AADAC: variants seen among roughly 807,000 people sequenced by gnomAD.
AADAC encodes the protein arylacetamide deacetylase.
Under a neutral mutation model 22.7 loss-of-function variants are expected in AADAC, and 17 were observed. The ratio of observed to expected loss-of-function variants is 0.75; its 90% CI spans 0.51 to 1.12. AADAC has a LOEUF of 1.12. Among genes scored for constraint, AADAC ranks in the 50% most tolerant of loss-of-function variants. AADAC has a pLI of 0.00. For missense variants in AADAC, 465 were observed against 473.9 expected (o/e 0.98, Z 0.17); for synonymous variants, 167 against 176.3 (o/e 0.95, Z 0.42).
At chr3:151,826,781 T>C (rs1222096618) in intron 4 of AADAC, among the ~76,000 whole-genome samples, 1 of 151,986 alleles carries the variant, frequency 6.6e-6, no homozygotes, top group Admixed American at 6.6e-5. Context: ...ATGATGTTAA[T>C]AGACCATTTC....
chr3:151,814,916 ACTT>A (rs1715921146), intron 1 of AADAC, among the ~76,000 whole-genome samples: 2 of 151,986 alleles, frequency 1.3e-5, no homozygotes, highest in South Asian at 4.1e-4. Context: ...TTTTACTATT[ACTT>A]CTTTGGTTAT....
intron 1 of AADAC, among the ~76,000 whole-genome samples, chr3:151,815,982 T>TA (rs545069378): frequency 1.7e-3 from 257 of 152,202 alleles, no homozygotes; most frequent in African/African-American, 6.1e-3. Context: ...TATCATTTAC[T>TA]AGTTGTGTAG....
chr3:151,824,756 A>G lies in AADAC; in HGVS notation c.525A>G (p.Lys175=), dbSNP rs772162390. The change falls in exon 4 of 5, where the codon AAA becomes AAG. Residue 175 remains lysine, a synonymous_variant. Coordinates refer to ENST00000232892, the MANE Select transcript of AADAC (RefSeq NM_001086.3). ...RWFLRKKVLA[K]YGVNPERIGI... ...TCTTACGTAAAAAAGTTCTTGCAAA[A>G]TATGGTGTGAACCCTGAGAGAATCG... 6.2e-7 allele frequency: 1 copy of G among 1,608,900 alleles called. No individual in the cohort carries two copies. Among genetic ancestry groups the G allele is most frequent in the Non-Finnish European group, 8.5e-7 (1 of 1,177,388 alleles).
intron 4 of AADAC, among the ~76,000 whole-genome samples, chr3:151,825,070 A>C (rs1453635549): frequency 2.0e-5 from 3 of 151,802 alleles, no homozygotes; most frequent in African/African-American, 7.3e-5. Flanking sequence ...CTTTGGATAA[A>C]TCATTCATTT....
chr3:151,821,594 T>C (rs1199793409), intron 3 of AADAC, among the ~76,000 whole-genome samples: 1 of 152,044 alleles, frequency 6.6e-6, no homozygotes, highest in African/African-American at 2.4e-5. Context: ...ATATAGTGGC[T>C]AGAATAATAT....
intron 2 of AADAC, among the ~76,000 whole-genome samples, chr3:151,818,140 C>T (rs980018301): frequency 7.3e-5 from 11 of 151,138 alleles, no homozygotes; most frequent in African/African-American, 2.7e-4. Flanking sequence ...ACTCGGGGGG[C>T]TGAGGCAGGA....
chr3:151,825,283 C>T (rs1277780500), intron 4 of AADAC, among the ~76,000 whole-genome samples: 2 of 151,624 alleles, frequency 1.3e-5, no homozygotes, highest in South Asian at 2.1e-4. Flanking sequence ...ACCTAGGAGG[C>T]TGAGGAGGCT....
chr3:151,826,828 G>T lies in AADAC; in HGVS notation c.604-748G>T, dbSNP rs13067574. Reference sequence around the variant, plus strand: ...TTGCCCAAATCTCCTAAAGTAACATGTCGCTTTAGCATCAAAGCCATGTCA... The same window carrying T: ...TTGCCCAAATCTCCTAAAGTAACATTTCGCTTTAGCATCAAAGCCATGTCA... On this transcript the variant is annotated intron_variant, in intron 4 of 4. Coordinates refer to ENST00000232892, the MANE Select transcript of AADAC (RefSeq NM_001086.3). Among the ~76,000 whole-genome samples the T allele has an allele frequency of 5.6e-4, 85 of 152,002 alleles. 2 individuals carry two copies. The highest frequency in any genetic ancestry group is 2.9e-3 in the Admixed American group (44 of 15,258).
chr3:151,821,120 A>C (rs1716235801), intron 3 of AADAC, among the ~76,000 whole-genome samples: 1 of 151,990 alleles, frequency 6.6e-6, no homozygotes, highest in Non-Finnish European at 1.5e-5. Context: ...ATCATCTATA[A>C]AAGTGCATCA....
intron 3 of AADAC, among the ~76,000 whole-genome samples, chr3:151,823,249 G>A (rs1716326560): frequency 6.6e-6 from 1 of 151,190 alleles, no homozygotes; most frequent in African/African-American, 2.4e-5. Flanking sequence ...CTGGACTCCA[G>A]CCTGGGCAAC....
At chr3:151,824,634 A>G in intron 3 of AADAC, 29 bp from the exon 4 acceptor site, 1 of 1,440,640 alleles carries the variant, frequency 6.9e-7, no homozygotes, top group East Asian at 2.5e-5. Flanking sequence ...CAAACAAAAA[A>G]ATGTGTAAAC....
rs1366120906 is a variant in AADAC, at chr3:151,828,256, T to TG, written c.*86dup. On this transcript the variant is annotated 3_prime_UTR_variant, in exon 5 of 5. Transcript: ENST00000232892. ...CATTAGAAATTGGTCTTTCTTAGAA[T>TG]GGTCTAGTTAAGTTCCACATGTAGC... 7 of 854,216 alleles carry TG rather than the reference T, an allele frequency of 8.2e-6. No individual in the cohort carries two copies. The African/African-American group carries it at 1.0e-4, about 13-fold the overall frequency. 52.9% of individuals were successfully genotyped at this position (854,216 alleles called of 1,614,324 possible).
In AADAC at chr3:151,817,542, G is replaced by A. The variant is rs1190356817; in HGVS notation, c.315G>A (p.Arg105=). The change falls in exon 2 of 5, where the codon AGG becomes AGA. Residue 105 remains arginine (R), a synonymous_variant. Coordinates refer to ENST00000232892, the MANE Select transcript of AADAC (RefSeq NM_001086.3). ...VPKRKSEALR[R]GLFYIHGGGW... Reference sequence around the variant, plus strand: ...AGAGAAAGTCTGAAGCACTAAGAAGGGGGTTGTTTTACATCCATGGTGGAG... The same window carrying A: ...AGAGAAAGTCTGAAGCACTAAGAAGAGGGTTGTTTTACATCCATGGTGGAG... 1 of 1,613,770 alleles carries A rather than the reference G, an allele frequency of 6.2e-7. No homozygotes were observed. The highest frequency in any genetic ancestry group is 8.5e-7 in the Non-Finnish European group (1 of 1,179,752).
intron 1 of AADAC, among the ~76,000 whole-genome samples, chr3:151,816,043 A>T (rs893493326): frequency 2.6e-5 from 4 of 152,108 alleles, no homozygotes; most frequent in African/African-American, 7.2e-5. Context: ...CATATCTGAC[A>T]TGGATAAGAA....
rs1373790202 is a variant in AADAC, at chr3:151,824,666, C to T, written c.435C>T (p.Tyr145=). ...AAACTATGTTTTCTCTCTACAGCTA[C>T]AGATTAGCACCTAAGTATCATTTCC... ...RLDAVVVSTN[Y]RLAPKYHFPI... The change falls in exon 4 of 5, where the codon TAC becomes TAT. Residue 145 remains tyrosine, a synonymous_variant. Transcript: ENST00000232892. The T allele has an allele frequency of 2.6e-6, 4 of 1,552,596 alleles. No individual in the cohort carries two copies. Among genetic ancestry groups the T allele is most frequent in the African/African-American group, 2.8e-5 (2 of 72,252 alleles).
chr3:151,816,225 C>T (rs1293082856), intron 1 of AADAC, among the ~76,000 whole-genome samples: 1 of 152,074 alleles, frequency 6.6e-6, no homozygotes, highest in East Asian at 1.9e-4. Flanking sequence ...TCCCAGCTCC[C>T]ATGTGCAACC....
rs191445522 is a variant in AADAC at position 151,826,034 on chromosome 3, A to G, written c.603+1200A>G. The stretch of plus-strand genomic sequence containing the variant: ...ATTTTTATTAGTTGACTTTAGTTAC[A>G]AACGAGGGTTCTACAGCAATTTTAA... On this transcript the variant is annotated intron_variant, in intron 4 of 4. Coordinates refer to ENST00000232892, the MANE Select transcript of AADAC (RefSeq NM_001086.3). Among the ~76,000 whole-genome samples, 759 of 152,092 alleles carry G rather than the reference A, an allele frequency of 5.0e-3. 12 individuals are homozygous for G. The highest frequency in any genetic ancestry group is 0.01 in the Middle Eastern group (3 of 292).
intron 2 of AADAC, among the ~76,000 whole-genome samples, chr3:151,818,546 GA>G (rs1164973410): frequency 6.6e-6 from 1 of 152,016 alleles, no homozygotes; most frequent in African/African-American, 2.4e-5. Context: ...GTGACATTCA[GA>G]AAACAGAAGT....
At chr3:151,818,438 C>T (rs1716094198) in intron 2 of AADAC, among the ~76,000 whole-genome samples, 1 of 151,984 alleles carries the variant, frequency 6.6e-6, no homozygotes, top group African/African-American at 2.4e-5. Flanking sequence ...GAGCAAAGAA[C>T]TACTTGTGGA....
Sources: gnomAD v4.1 joint callset for allele counts (sites outside exome capture counted in the v4.1 genomes callset) on GRCh38, gnomAD v4.1.1 for gene constraint, MANE v1.5 for transcripts, NCBI Gene and HGNC (gene_info 2026-07-23, HGNC 2026-07-21) for gene names.